Variants in NBPF4 observed in about 807,000 individuals in gnomAD.
NBPF4 encodes the protein NBPF member 4.
Under a neutral mutation model 21.1 loss-of-function variants are expected in NBPF4, and 11 were observed. That is an observed-to-expected ratio of 0.52 (90% CI 0.33 to 0.86). The LOEUF (loss-of-function observed/expected upper bound fraction) is 0.86, where lower values mean the gene tolerates loss of function less well. Among genes scored for constraint, NBPF4 ranks in the 40% least tolerant of loss-of-function variants. The pLI is 0.03. For missense variants in NBPF4, 88 were observed against 265.3 expected (o/e 0.33, Z 4.64); for synonymous variants, 47 against 106.4 (o/e 0.44, Z 3.43).
chr1:108,224,521 T>C (rs1649413397), intron 14 of NBPF4, among the ~76,000 whole-genome samples: 1 of 146,830 alleles, frequency 6.8e-6, no homozygotes, highest in Non-Finnish European at 1.5e-5. Context: ...AAAAAATATA[T>C]ATAATTATAA....
At chr1:108,229,210 T>G in intron 12 of NBPF4, 54 bp from the exon 13 acceptor site, 1 of 1,404,154 alleles carries the variant, frequency 7.1e-7, no homozygotes, top group Non-Finnish European at 9.8e-7. Flanking sequence ...CTTTGTTAAG[T>G]CATCCCAGAA....
At chr1:108,241,500 C>G (rs1363578145) in intron 3 of NBPF4, among the ~76,000 whole-genome samples, 3 of 146,774 alleles carry the variant, frequency 2.0e-5, no homozygotes, top group Admixed American at 6.9e-5. Flanking sequence ...AAGTTAGTGT[C>G]TTCCTAAATC....
In NBPF4 at chr1:108,223,505, G is replaced by T; in HGVS notation, c.*200C>A. 1 of 669,724 alleles carries T rather than the reference G, an allele frequency of 1.5e-6. No individual in the cohort carries two copies. Among genetic ancestry groups the T allele is most frequent in the Non-Finnish European group, 2.7e-6 (1 of 376,540 alleles). 41.5% of individuals were successfully genotyped at this position (669,724 alleles called of 1,614,324 possible). A position where few individuals can be genotyped will look rare whatever the true frequency, so the allele number is the denominator to read the frequency against. On this transcript the variant is annotated 3_prime_UTR_variant, in exon 15 of 15. Transcript: ENST00000415641. ...TCCATCTGGGCATTGGTCTCCCTAG[G>T]TATTGATCACAATTGGAGGGGGATG...
At chr1:108,257,789 A>G in the NBPF4 span, among the ~76,000 whole-genome samples, 4 of 95,062 alleles carry the variant, frequency 4.2e-5, no homozygotes, top group Non-Finnish European at 5.8e-5. Flanking sequence ...TTTTTTTGAG[A>G]CAGAGCCTCA....
At chr1:108,257,622 C>T in the NBPF4 span, among the ~76,000 whole-genome samples, 2 of 143,358 alleles carry the variant, frequency 1.4e-5, no homozygotes, top group Non-Finnish European at 3.0e-5. Flanking sequence ...AAATCCTCTA[C>T]CATTTGTTGA....
chr1:108,245,985 A>C (rs1286836583), upstream of NBPF4, among the ~76,000 whole-genome samples: 1 of 115,780 alleles, frequency 8.6e-6, no homozygotes, highest in Admixed American at 1.0e-4. Context: ...ACAGAGAAAT[A>C]TGAGACTTGG....
chr1:108,254,248 TG>T, the NBPF4 span, among the ~76,000 whole-genome samples: 1 of 10,524 alleles, frequency 9.5e-5, no homozygotes, highest in Non-Finnish European at 1.6e-4. Flanking sequence ...CTAATTTTTT[TG>T]TATTTTCAGT....
At chr1:108,257,768 T>TC in the NBPF4 span, among the ~76,000 whole-genome samples, 1 of 110,300 alleles carries the variant, frequency 9.1e-6, no homozygotes, top group Non-Finnish European at 1.8e-5. Context: ...TTTTCTTTTT[T>TC]TTTTTTTTTT....
upstream of NBPF4, among the ~76,000 whole-genome samples, chr1:108,244,917 T>TACAC (rs1456422875): frequency 3.2e-4 from 13 of 40,328 alleles, 2 homozygotes; most frequent in African/African-American, 1.3e-3. Context: ...TATATATATA[T>TACAC]ATATATATAT....
At chr1:108,226,123 G>C (rs1649462631) in intron 14 of NBPF4, among the ~76,000 whole-genome samples, 1 of 136,372 alleles carries the variant, frequency 7.3e-6, no homozygotes, top group African/African-American at 2.7e-5. Flanking sequence ...ACTCCCACCT[G>C]TGACCCTGGT....
At position 108,223,282 on chromosome 1, in the gene NBPF4, G is replaced by A. The variant is rs537910480; in HGVS notation, c.*423C>T. 1.6e-4 allele frequency: 28 copies of A among 173,226 alleles called. No individual in the cohort carries two copies. Among genetic ancestry groups the A allele is most frequent in the Admixed American group, 3.3e-4 (6 of 18,094 alleles). The allele number at this position is 173,226 out of a possible 1,614,324, so 10.7% of individuals were successfully genotyped here. A position where few individuals can be genotyped will look rare whatever the true frequency, so the allele number is the denominator to read the frequency against. On this transcript the variant is annotated 3_prime_UTR_variant, in exon 15 of 15. Coordinates refer to ENST00000415641, the MANE Select transcript of NBPF4 (RefSeq NM_001143989.3). ...AGACAGGTCAGTTGTCCTGTTCAAT[G>A]TTCTACATTCTGCAGTTATCTGAGG...
Position 108,226,782 on chromosome 1 carries a change from C to T in NBPF4, c.1772G>A (p.Arg591His), listed in dbSNP as rs542070535. Residue 591 changes from arginine (R) to histidine (H), a missense_variant, in exon 14 of 15, where the codon CGT becomes CAT. Physicochemically the swap from Arg to His is conservative, Grantham distance 29 (BLOSUM62 0). This residue lies in a region of NBPF4 where 11 missense variants were observed against 113.0 expected (regional missense o/e 0.10). Coordinates refer to ENST00000415641, the MANE Select transcript of NBPF4 (RefSeq NM_001143989.3). ...TQGRQVTGRIRASLVLILKTI... is the reference protein window; with the variant it reads ...TQGRQVTGRIHASLVLILKTI... ...CTTCAGTATCAGGACAAGGGAGGCACGAATCCGGCCAGTGACTTGACGCCC... is the reference window on the plus strand; with the variant it reads ...CTTCAGTATCAGGACAAGGGAGGCATGAATCCGGCCAGTGACTTGACGCCC... The T allele has an allele frequency of 1.7e-5, 24 of 1,435,308 alleles. 1 individual carries two copies. The Admixed American group carries it at 3.0e-4, about 18-fold the overall frequency. The allele number at this position is 1,435,308 out of a possible 1,614,324, so 88.9% of individuals were successfully genotyped here. A position where few individuals can be genotyped will look rare whatever the true frequency, so the allele number is the denominator to read the frequency against.
chr1:108,244,892 A>G (rs1649775633), upstream of NBPF4, among the ~76,000 whole-genome samples: 2 of 17,502 alleles, frequency 1.1e-4, 1 homozygote, highest in Admixed American at 1.6e-3. Flanking sequence ...CTCAGGGAAT[A>G]TTGTTGGAGA....
rs1649664045 is a variant in NBPF4 at position 108,234,865 on chromosome 1, C to T, written c.1028+371G>A. On this transcript the variant is annotated intron_variant, in intron 9 of 14. Transcript: ENST00000415641. ...TCTCTCAATATTGTGCATGGTATAA[C>T]AATAATTTTTTTCTACCTAATTTCC... Among the ~76,000 whole-genome samples, 2 of 110,086 alleles carry T rather than the reference C, an allele frequency of 1.8e-5. 1 individual carries two copies. Among genetic ancestry groups the T allele is most frequent in the Non-Finnish European group, 3.6e-5 (2 of 56,208 alleles). 72.2% of individuals were successfully genotyped at this position (110,086 alleles called of 152,430 possible). A position where few individuals can be genotyped will look rare whatever the true frequency, so the allele number is the denominator to read the frequency against.
chr1:108,229,057 G>C lies in NBPF4; in HGVS notation c.1523C>G (p.Thr508Ser). 6.4e-7 allele frequency: 1 copy of C among 1,550,936 alleles called. No homozygotes were observed. Among genetic ancestry groups the C allele is most frequent in the Non-Finnish European group, 8.7e-7 (1 of 1,146,484 alleles). Residue 508 changes from threonine to serine, a missense_variant, in exon 13 of 15, where the codon ACC becomes AGC. This residue lies in a region of NBPF4 where 60 missense variants were observed against 86.5 expected (regional missense o/e 0.69). Coordinates refer to ENST00000415641, the MANE Select transcript of NBPF4 (RefSeq NM_001143989.3). Reference protein sequence around the residue: ...QVSQAQLEPSTLVPSCLRLQL... With the variant: ...QVSQAQLEPSSLVPSCLRLQL... Reference sequence around the variant, plus strand: ...TAGTCGCAGACAACTGGGCACCAGGGTGCTTGGTTCCAGCTGTGCCTGTGA... The same window carrying C: ...TAGTCGCAGACAACTGGGCACCAGGCTGCTTGGTTCCAGCTGTGCCTGTGA...
At chr1:108,264,103 C>A in the NBPF4 span, among the ~76,000 whole-genome samples, 2 of 124,580 alleles carry the variant, frequency 1.6e-5, no homozygotes, top group East Asian at 2.6e-4. Flanking sequence ...AAGTTGGATA[C>A]AAAGACAAGA....
chr1:108,254,142 T>A, the NBPF4 span, among the ~76,000 whole-genome samples: 1 of 87,098 alleles, frequency 1.1e-5, no homozygotes, highest in African/African-American at 4.7e-5. Flanking sequence ...TGGTGCAATC[T>A]TGGCTCACTG....
chr1:108,256,545 TCCC>T, the NBPF4 span, among the ~76,000 whole-genome samples: 1 of 77,882 alleles, frequency 1.3e-5, no homozygotes, highest in Admixed American at 1.5e-4. Context: ...TCCCCTCCCC[TCCC>T]CTCCCCTGCC....
upstream of NBPF4, among the ~76,000 whole-genome samples, chr1:108,248,126 A>T (rs1571330376): frequency 6.6e-6 from 1 of 151,938 alleles, no homozygotes; most frequent in Non-Finnish European, 1.5e-5. Flanking sequence ...AAAAACTTTA[A>T]ATAACTGTAT....
Sources: allele counts gnomAD v4.1 joint callset (sites outside exome capture counted in the v4.1 genomes callset), GRCh38; gene constraint gnomAD v4.1.1; regional missense constraint gnomAD v4.1.1; transcripts MANE v1.5; gene names NCBI Gene and HGNC (gene_info 2026-07-23, HGNC 2026-07-21).